UNKL: variants seen among roughly 807,000 people sequenced by gnomAD.
The protein encoded by UNKL is putative E3 ubiquitin-protein ligase UNKL.
Under a neutral mutation model 78.0 loss-of-function variants are expected in UNKL, and 60 were observed. The observed-to-expected ratio is 0.77, with a 90% CI of 0.63 to 0.95. The LOEUF (loss-of-function observed/expected upper bound fraction) is 0.95, where lower values mean the gene tolerates loss of function less well. UNKL is among the 40% of genes least tolerant of loss of function. The pLI, the probability that UNKL is intolerant of heterozygous loss-of-function variation, is 0.00. For synonymous variants in UNKL, 608 were observed against 474.8 expected (o/e 1.28, Z -3.65); for missense variants, 1,159 against 1,045.7 (o/e 1.11, Z -1.49).
intron 10 of UNKL, among the ~76,000 whole-genome samples, chr16:1,382,505 G>A (rs111737316): frequency 5.9e-5 from 9 of 152,168 alleles, no homozygotes; most frequent in African/African-American, 1.7e-4. Flanking sequence ...GTCCATCCAG[G>A]ATTCCCACTC....
rs2035085866 is a variant in UNKL, at chr16:1,364,601, T to G, written c.*1639A>C. ...GATGCGTTCTCAGTCACGTTTCTGCTGCGGCCGAAACCACACTGTCGCTCC... is the reference window on the plus strand; with the variant it reads ...GATGCGTTCTCAGTCACGTTTCTGCGGCGGCCGAAACCACACTGTCGCTCC... On this transcript the variant is annotated 3_prime_UTR_variant, in exon 15 of 15. Transcript: ENST00000389221. 1 of 152,252 alleles carries G rather than the reference T, an allele frequency of 6.6e-6. No homozygotes were observed. The highest frequency in any genetic ancestry group is 1.5e-5 in the Non-Finnish European group (1 of 68,088). 9.4% of individuals were successfully genotyped at this position (152,252 alleles called of 1,614,324 possible).
chr16:1,368,480 T>C (rs891529490), intron 12 of UNKL, among the ~76,000 whole-genome samples: 1 of 151,734 alleles, frequency 6.6e-6, no homozygotes, highest in Non-Finnish European at 1.5e-5. Context: ...CGGGCGCCTG[T>C]AGTCCCAGCT....
At chr16:1,380,790 T>C (rs1051335573) in intron 10 of UNKL, among the ~76,000 whole-genome samples, 5 of 150,046 alleles carry the variant, frequency 3.3e-5, no homozygotes, top group Non-Finnish European at 7.4e-5. Context: ...TTCTCGTGCC[T>C]CAACCACCTG....
intron 9 of UNKL, among the ~76,000 whole-genome samples, chr16:1,385,805 G>A (rs1359515957): frequency 6.6e-6 from 1 of 152,342 alleles, no homozygotes; most frequent in Non-Finnish European, 1.5e-5. Flanking sequence ...GCCCAGGACT[G>A]GCTCCTGAGC....
At chr16:1,413,297 G>C (rs954177528) in intron 2 of UNKL, among the ~76,000 whole-genome samples, 9 of 138,410 alleles carry the variant, frequency 6.5e-5, no homozygotes, top group Middle Eastern at 5.4e-3. Flanking sequence ...GGCCGGGTAC[G>C]GTGGCTCATG....
chr16:1,405,188 C>T (rs1193183983), intron 2 of UNKL, among the ~76,000 whole-genome samples: 1 of 88,246 alleles, frequency 1.1e-5, no homozygotes, highest in Non-Finnish European at 2.0e-5. Context: ...GAGCAAGACC[C>T]TGTCTCAAAA....
chr16:1,370,155 A>G lies in UNKL; in HGVS notation c.1560T>C (p.Ser520=). The change falls in exon 12 of 15, where the codon TCT becomes TCC. Residue 520 remains serine (S), a synonymous_variant. Coordinates refer to ENST00000389221, the MANE Select transcript of UNKL (RefSeq NM_001372107.1). ...PLRSEPGTLG[S]AASSYSPLGL... ...CTAGGGGGCTGTAGGATGAGGCTGC[A>G]GAGCCCAGTGTGCCCGGCTCTGAAC... 1.3e-6 allele frequency: 2 copies of G among 1,518,350 alleles called. No homozygotes were observed. Among genetic ancestry groups the G allele is most frequent in the Non-Finnish European group, 1.8e-6 (2 of 1,128,144 alleles). 94.1% of individuals were successfully genotyped at this position (1,518,350 alleles called of 1,614,324 possible). A position where few individuals can be genotyped will look rare whatever the true frequency, so the allele number is the denominator to read the frequency against.
chr16:1,402,421 A>G (rs2037567322), intron 3 of UNKL, among the ~76,000 whole-genome samples: 1 of 152,052 alleles, frequency 6.6e-6, no homozygotes, highest in African/African-American at 2.4e-5. Context: ...CCAGAATTTC[A>G]GGAGGCCGAG....
chr16:1,374,909 G>T (rs1037354863), intron 10 of UNKL, among the ~76,000 whole-genome samples: 3 of 152,232 alleles, frequency 2.0e-5, no homozygotes, highest in African/African-American at 7.2e-5. Context: ...AAGGCAGGAG[G>T]GTGACTTCTG....
intron 2 of UNKL, among the ~76,000 whole-genome samples, chr16:1,408,260 GCC>G (rs35934973): frequency 0.13 from 19,879 of 150,190 alleles, 1,459 homozygotes; most frequent in Middle Eastern, 0.21. Context: ...CATGGGAGCT[GCC>G]CCCCCCCCCA....
intron 2 of UNKL, among the ~76,000 whole-genome samples, chr16:1,405,229 C>T (rs1286752196): frequency 2.0e-5 from 2 of 98,428 alleles, no homozygotes; most frequent in Admixed American, 1.2e-4. Flanking sequence ...AAAAAGGAGG[C>T]GAGGAAGGAA....
At chr16:1,414,529 G>A (rs964996649) in intron 1 of UNKL, 86 bp downstream of exon 1, 4 of 332,586 alleles carry the variant, frequency 1.2e-5, no homozygotes, top group African/African-American at 4.5e-5. Context: ...GGGGCGCGGG[G>A]GCGGCGGAGG....
rs972711429 is a variant in UNKL, at chr16:1,366,111, G to A, written c.*129C>T. 5.2e-5 allele frequency: 61 copies of A among 1,166,122 alleles called. No individual in the cohort carries two copies. Among genetic ancestry groups the A allele is most frequent in the Admixed American group, 3.8e-4 (12 of 31,568 alleles). The allele number at this position is 1,166,122 out of a possible 1,614,324, so 72.2% of individuals were successfully genotyped here. A position where few individuals can be genotyped will look rare whatever the true frequency, so the allele number is the denominator to read the frequency against. ...GCGGGGCTCCCAGCCTCATGATAACGTGTAACAGGAAGGGCTCCCAGCCTC... is the reference window on the plus strand; with the variant it reads ...GCGGGGCTCCCAGCCTCATGATAACATGTAACAGGAAGGGCTCCCAGCCTC... On this transcript the variant is annotated 3_prime_UTR_variant, in exon 15 of 15. Transcript: ENST00000389221.
chr16:1,372,138 C>G (rs1394575008), intron 10 of UNKL, among the ~76,000 whole-genome samples: 2 of 151,744 alleles, frequency 1.3e-5, no homozygotes, highest in Non-Finnish European at 2.9e-5. Context: ...GTGGCGGGTG[C>G]CTGTAGTCCC....
chr16:1,410,267 G>GA (rs57597459), intron 2 of UNKL, among the ~76,000 whole-genome samples: 1,213 of 101,316 alleles, frequency 0.012, 12 homozygotes, highest in African/African-American at 0.035. Context: ...CCCTGTCTCA[G>GA]AAAAAAAAAA....
chr16:1,398,679 G>GCAT, intron 5 of UNKL: 1 of 1,356,394 alleles, frequency 7.4e-7, no homozygotes, highest in Non-Finnish European at 9.5e-7. Context: ...TGTGGGGTCT[G>GCAT]CACCCCCCCA....
intron 10 of UNKL, among the ~76,000 whole-genome samples, chr16:1,378,723 G>A (rs769163499): frequency 6.6e-6 from 1 of 152,114 alleles, no homozygotes; most frequent in African/African-American, 2.4e-5. Context: ...GAGCGTGTGG[G>A]TGCCCCCGAG....
chr16:1,390,533 G>A lies in UNKL; in HGVS notation c.1086+99C>T, dbSNP rs116162621. 1,913 of 1,298,980 alleles carry A rather than the reference G, an allele frequency of 1.5e-3. 38 individuals carry two copies. The African/African-American group carries it at 0.025, about 17-fold the overall frequency. 80.5% of individuals were successfully genotyped at this position (1,298,980 alleles called of 1,614,324 possible). ...TGGGCGGGACCAAGGATGCATGAGC[G>A]CTGCCCTAACGCGATGCCACGGGTC... On this transcript the variant is annotated intron_variant, in intron 9 of 14. Transcript: ENST00000389221.
chr16:1,368,067 C>G (rs11861069), intron 12 of UNKL: 1 of 523,822 alleles, frequency 1.9e-6, no homozygotes, highest in African/African-American at 2.0e-5. Context: ...ACACCTGCCC[C>G]GGCCGGTCTC....
Sources: allele counts gnomAD v4.1 joint callset (sites outside exome capture counted in the v4.1 genomes callset), GRCh38; gene constraint gnomAD v4.1.1; transcripts MANE v1.5; gene names NCBI Gene and HGNC (gene_info 2026-07-23, HGNC 2026-07-21).